The following ESRRG variants were observed in gnomAD, a reference collection of about 807,000 sequenced individuals.
The protein encoded by ESRRG is estrogen-related receptor gamma.
A neutral mutation model predicts 44.0 loss-of-function variants in ESRRG; 13 were observed. That is an observed-to-expected ratio of 0.30 (90% CI 0.19 to 0.47). The LOEUF (loss-of-function observed/expected upper bound fraction) is 0.47. Ranked by LOEUF, ESRRG falls within the 20% of genes least tolerant of loss-of-function variation. The pLI, the probability that ESRRG is intolerant of heterozygous loss-of-function variation, is 1.00. For synonymous variants in ESRRG, 215 were observed against 214.6 expected, an observed-to-expected ratio of 1.00 and a Z score of -0.02; for missense variants, 395 against 580.6, an observed-to-expected ratio of 0.68 and a Z score of 3.29.
rs915113897 is a variant in ESRRG at position 216,873,251 on chromosome 1, G to A, written c.-14+66331C>T. On this transcript the variant is annotated intron_variant, in intron 2 of 7. Transcript: ENST00000359162. ...TTTTTGACAGAGTTTCACTGTTGTC[G>A]CTCAGGCTGAAATGCAATGGCATGA... Among the ~76,000 whole-genome samples, 15 of 110,414 alleles carry A rather than the reference G, an allele frequency of 1.4e-4. 1 individual carries two copies. The highest frequency in any genetic ancestry group is 2.9e-4 in the South Asian group (1 of 3,416). 72.4% of individuals were successfully genotyped at this position (110,414 alleles called of 152,430 possible). A position where few individuals can be genotyped will look rare whatever the true frequency, so the allele number is the denominator to read the frequency against.
chr1:216,579,480 T>C (rs1380386374), intron 3 of ESRRG, among the ~76,000 whole-genome samples: 39 of 152,146 alleles, frequency 2.6e-4, no homozygotes, highest in Admixed American at 2.6e-3. Flanking sequence ...GTATTGTACA[T>C]GTGAAGTAGG....
At chr1:217,081,946 A>AT (rs1380598532) in intron 1 of ESRRG, among the ~76,000 whole-genome samples, 20 of 152,180 alleles carry the variant, frequency 1.3e-4, no homozygotes, top group Admixed American at 3.3e-4. Flanking sequence ...TACTGAATAC[A>AT]TTTTTTTTGT....
intron 2 of ESRRG, among the ~76,000 whole-genome samples, chr1:216,734,786 T>C (rs969522288): frequency 1.3e-5 from 2 of 152,174 alleles, no homozygotes; most frequent in Non-Finnish European, 2.9e-5. Flanking sequence ...ATGGGGCTAA[T>C]ATATTTACCC....
chr1:217,061,896 A>G (rs137981140), intron 1 of ESRRG, among the ~76,000 whole-genome samples: 3 of 152,296 alleles, frequency 2.0e-5, no homozygotes, highest in Non-Finnish European at 4.4e-5. Flanking sequence ...TAAAACAAAT[A>G]AGATAAATTC....
intron 2 of ESRRG, among the ~76,000 whole-genome samples, chr1:216,665,843 T>A (rs929910984): frequency 3.3e-5 from 5 of 152,218 alleles, no homozygotes; most frequent in South Asian, 2.1e-4. Flanking sequence ...TCAGCTCCAA[T>A]GACTAGGCCG....
intron 5 of ESRRG, among the ~76,000 whole-genome samples, chr1:216,557,719 A>G (rs1284830704): frequency 6.6e-6 from 1 of 152,204 alleles, no homozygotes; most frequent in Non-Finnish European, 1.5e-5. Context: ...AAAGTTGTAA[A>G]CCAAATAGAT....
rs533093606 is a variant in ESRRG, at chr1:216,767,268, A to AAC, written c.-13-89779_-13-89778dup. Among the ~76,000 whole-genome samples the AAC allele has an allele frequency of 8.4e-4, 127 of 151,932 alleles. 1 individual carries two copies. The highest frequency in any genetic ancestry group is 2.7e-3 in the East Asian group (14 of 5,162). On this transcript the variant is annotated intron_variant, in intron 2 of 7. Coordinates refer to the ESRRG transcript ENST00000359162. ...TAAAAAAAGAAAAGAAAGGACAAAAAACACACACACACACACGCAAAGGAG... is the reference window on the plus strand; with the variant it reads ...TAAAAAAAGAAAAGAAAGGACAAAAAACACACACACACACACACGCAAAGGAG...
At chr1:216,643,659 A>G (rs2066907437) in intron 3 of ESRRG, among the ~76,000 whole-genome samples, 1 of 152,156 alleles carries the variant, frequency 6.6e-6, no homozygotes, top group African/African-American at 2.4e-5. Flanking sequence ...TAGGCTGCTC[A>G]GTTATCCCAT....
chr1:216,850,827 A>G (rs2095831824), intron 2 of ESRRG, among the ~76,000 whole-genome samples: 1 of 151,982 alleles, frequency 6.6e-6, no homozygotes, highest in East Asian at 1.9e-4. Flanking sequence ...ATCATTTACC[A>G]AGAATGAACG....
intron 6 of ESRRG, among the ~76,000 whole-genome samples, chr1:216,509,219 A>C (rs929807134): frequency 3.2e-4 from 48 of 152,280 alleles, no homozygotes; most frequent in African/African-American, 1.1e-3. Context: ...ATTCCCTTAA[A>C]AATTGGGATG....
At chr1:216,691,352 CATTTCAAAAGAAATGTATA>C (rs2079020973) in intron 1 of ESRRG, among the ~76,000 whole-genome samples, 1 of 152,022 alleles carries the variant, frequency 6.6e-6, no homozygotes, top group African/African-American at 2.4e-5. Flanking sequence ...TAAAATGATA[CATTTCAAAAGAAATGTATA>C]ATTTCTAAGA....
chr1:217,014,631 G>T (rs1480944951), intron 1 of ESRRG, among the ~76,000 whole-genome samples: 3 of 152,124 alleles, frequency 2.0e-5, no homozygotes, highest in Non-Finnish European at 4.4e-5. Flanking sequence ...CAACTAGTGT[G>T]ACCATGGACT....
At chr1:216,807,956 G>T (rs1245112971) in intron 2 of ESRRG, among the ~76,000 whole-genome samples, 2 of 152,146 alleles carry the variant, frequency 1.3e-5, no homozygotes, top group African/African-American at 4.8e-5. Context: ...CAAAAGAAAT[G>T]TGCTAATTTC....
Position 216,554,864 on chromosome 1 carries a change from A to G in ESRRG, c.862+9355T>C, listed in dbSNP as rs369959433. On this transcript the variant is annotated intron_variant, in intron 5 of 6. Transcript: ENST00000408911. ...GAAAGAGGGAAATGAACAGCAAAGG[A>G]ATTTGCTGTAGCGTTTGCCTTCCTC... Among the ~76,000 whole-genome samples, 143 of 152,302 alleles carry G rather than the reference A, an allele frequency of 9.4e-4. No homozygotes were observed. The South Asian group carries it at 0.029, about 31-fold the overall frequency.
chr1:216,911,915 C>T lies in ESRRG; in HGVS notation c.-14+27667G>A, dbSNP rs2060351338. ...TGAAACCCTGACTCTATTAAAAACACACAGAAAAAACTAGCTGGGTGTGGT... is the reference window on the plus strand; with the variant it reads ...TGAAACCCTGACTCTATTAAAAACATACAGAAAAAACTAGCTGGGTGTGGT... On this transcript the variant is annotated intron_variant, in intron 2 of 7. Coordinates refer to the ESRRG transcript ENST00000359162. Among the ~76,000 whole-genome samples, 3 of 151,358 alleles carry T rather than the reference C, an allele frequency of 2.0e-5. No homozygotes were observed. In the South Asian group the frequency reaches 6.2e-4, roughly 31 times the overall value.
intron 3 of ESRRG, among the ~76,000 whole-genome samples, chr1:216,630,428 A>T (rs1409259937): frequency 6.9e-6 from 1 of 145,654 alleles, no homozygotes; most frequent in Non-Finnish European, 1.5e-5. Context: ...ACACATGTGC[A>T]TGCACATGTG....
intron 2 of ESRRG, among the ~76,000 whole-genome samples, chr1:216,779,566 T>C (rs1180632205): frequency 1.1e-5 from 1 of 88,238 alleles, no homozygotes; most frequent in Non-Finnish European, 2.2e-5. Flanking sequence ...ATATTATATA[T>C]AAAATTTGTA....
intron 2 of ESRRG, chr1:216,864,014 A>G (rs2096099890): frequency 6.6e-6 from 1 of 152,176 alleles, no homozygotes; most frequent in South Asian, 2.1e-4. Context: ...TCTCTAAGTT[A>G]CACAGTGTTA....
chr1:216,861,527 A>T (rs67182716), intron 2 of ESRRG, among the ~76,000 whole-genome samples: 24,442 of 152,024 alleles, frequency 0.16, 2,078 homozygotes, highest in Non-Finnish European at 0.19. Flanking sequence ...AAAGCAAAAA[A>T]AATTTTAACA....
Sources: gnomAD v4.1 joint callset for allele counts (sites outside exome capture counted in the v4.1 genomes callset) on GRCh38, gnomAD v4.1.1 for gene constraint, MANE v1.5 for transcripts, NCBI Gene and HGNC (gene_info 2026-07-23, HGNC 2026-07-21) for gene names.